The following ZFHX3 variants were observed in gnomAD, a reference collection of about 807,000 sequenced individuals.
ZFHX3 encodes the protein zinc finger homeobox protein 3.
In ZFHX3, 42 loss-of-function variants were observed where a neutral mutation model predicts 279.1. The observed-to-expected ratio is 0.15, with a 90% CI of 0.12 to 0.19. The LOEUF is 0.19. Among genes scored for constraint, ZFHX3 ranks in the 10% least tolerant of loss-of-function variants. The pLI is 1.00. For missense variants in ZFHX3, 4,981 were observed against 4,754.0 expected, an observed-to-expected ratio of 1.05 and a Z score of -1.40; for synonymous variants, 2,293 against 1,957.8, an observed-to-expected ratio of 1.17 and a Z score of -4.52.
At chr16:73,106,132 C>G (rs1296429466) in intron 7 of ZFHX3, among the ~76,000 whole-genome samples, 1 of 152,126 alleles carries the variant, frequency 6.6e-6, no homozygotes, top group African/African-American at 2.4e-5. Context: ...TACTGCCTGA[C>G]TTTTCTCATG....
intron 4 of ZFHX3, among the ~76,000 whole-genome samples, chr16:72,876,737 A>C (rs544154054): frequency 6.6e-6 from 1 of 152,106 alleles, no homozygotes; most frequent in Non-Finnish European, 1.5e-5. Context: ...GCTGCTTTTC[A>C]ATTTTTTTCC....
At chr16:73,331,247 C>T (rs1454322631) in intron 3 of ZFHX3, among the ~76,000 whole-genome samples, 3 of 152,138 alleles carry the variant, frequency 2.0e-5, no homozygotes, top group African/African-American at 7.2e-5. Context: ...ATGGAGGAAC[C>T]GCCCCCATAA....
intron 1 of ZFHX3, among the ~76,000 whole-genome samples, chr16:73,687,649 C>G (rs887315262): frequency 1.3e-5 from 2 of 151,582 alleles, no homozygotes; most frequent in Admixed American, 1.3e-4. Context: ...CGAGACCATC[C>G]TGACCAACAT....
intron 4 of ZFHX3, among the ~76,000 whole-genome samples, chr16:72,852,752 A>T (rs1214400785): frequency 6.6e-6 from 1 of 152,230 alleles, no homozygotes; most frequent in East Asian, 1.9e-4. Context: ...AATGCTCAAG[A>T]GTGGCAGTTG....
chr16:73,708,081 G>GA (rs903242698), intron 1 of ZFHX3, among the ~76,000 whole-genome samples: 3 of 151,330 alleles, frequency 2.0e-5, no homozygotes, highest in African/African-American at 4.8e-5. Flanking sequence ...GGGTGTGGTG[G>GA]GGGGGGGAAG....
chr16:73,840,095 C>A (rs1186514238), intron 1 of ZFHX3, among the ~76,000 whole-genome samples: 1 of 152,146 alleles, frequency 6.6e-6, no homozygotes. Flanking sequence ...GCTCAGGATC[C>A]AGTACACAGC....
intron 1 of ZFHX3, among the ~76,000 whole-genome samples, chr16:73,800,764 C>T (rs1267355463): frequency 4.6e-5 from 7 of 152,122 alleles, no homozygotes; most frequent in Non-Finnish European, 1.0e-4. Flanking sequence ...GCACCTGACC[C>T]GGAGTCAGCC....
intron 4 of ZFHX3, among the ~76,000 whole-genome samples, chr16:72,839,731 A>C (rs2037296870): frequency 6.6e-6 from 1 of 151,898 alleles, no homozygotes; most frequent in African/African-American, 2.4e-5. Flanking sequence ...GGCATCATCT[A>C]GGGTGTCTAG....
At chr16:72,929,011 G>A (rs1219644537) in intron 3 of ZFHX3, among the ~76,000 whole-genome samples, 1 of 151,904 alleles carries the variant, frequency 6.6e-6, no homozygotes. Flanking sequence ...GCCAAGGTGG[G>A]CAGATCACTA....
chr16:73,774,583 G>C (rs926871089), intron 1 of ZFHX3, among the ~76,000 whole-genome samples: 1 of 152,162 alleles, frequency 6.6e-6, no homozygotes, highest in Non-Finnish European at 1.5e-5. Flanking sequence ...AAATATGCTT[G>C]TCTATGCACC....
At chr16:73,551,614 T>C (rs1213901732) in intron 2 of ZFHX3, among the ~76,000 whole-genome samples, 3 of 152,170 alleles carry the variant, frequency 2.0e-5, no homozygotes. Context: ...CTGGAACCTC[T>C]AGAGCTGGCT....
At chr16:73,725,848 C>G (rs1391049658) in intron 1 of ZFHX3, among the ~76,000 whole-genome samples, 1 of 152,174 alleles carries the variant, frequency 6.6e-6, no homozygotes, top group African/African-American at 2.4e-5. Context: ...CCTGACATGC[C>G]TGGCCCCATA....
At chr16:73,549,118 T>C (rs1038936243) in intron 2 of ZFHX3, among the ~76,000 whole-genome samples, 1 of 152,214 alleles carries the variant, frequency 6.6e-6, no homozygotes, top group African/African-American at 2.4e-5. Flanking sequence ...AATATTCAGA[T>C]ACACAGTTTT....
In ZFHX3 at chr16:72,788,817, A is replaced by C. The variant is rs199567227; in HGVS notation, c.9459T>G (p.Gly3153=). 1.3e-6 allele frequency: 2 copies of C among 1,525,280 alleles called. No homozygotes were observed. Among genetic ancestry groups the C allele is most frequent in the African/African-American group, 2.8e-5 (2 of 71,712 alleles). 94.5% of individuals were successfully genotyped at this position (1,525,280 alleles called of 1,614,324 possible). ...GGGAAGGAACAGTTGTGCTGGGCAG[A>C]CCCATCAAGTTCGGCTTAGGAGACG... ...ALTSPKPNLM[G]LPSTTVPSPG... The change falls in exon 10 of 10, where the codon GGT becomes GGG. Residue 3153 remains glycine (G), a synonymous_variant. Transcript: ENST00000268489.
chr16:73,758,597 A>T (rs538630289), intron 1 of ZFHX3, among the ~76,000 whole-genome samples: 1 of 152,220 alleles, frequency 6.6e-6, no homozygotes, highest in African/African-American at 2.4e-5. Context: ...TATTTTAATT[A>T]CAGCTTTGCT....
At chr16:73,041,030 T>G (rs1451474095) in intron 1 of ZFHX3, among the ~76,000 whole-genome samples, 1 of 151,960 alleles carries the variant, frequency 6.6e-6, no homozygotes, top group Non-Finnish European at 1.5e-5. Flanking sequence ...TTCCAAAGAG[T>G]GGGCTTTTTT....
chr16:72,926,184 TATC>T (rs1043241526), intron 3 of ZFHX3, among the ~76,000 whole-genome samples: 1 of 152,224 alleles, frequency 6.6e-6, no homozygotes, highest in African/African-American at 2.4e-5. Context: ...TCTAATGTCT[TATC>T]ATTTTATTTT....
chr16:73,610,890 A>G (rs1213387021), intron 2 of ZFHX3, among the ~76,000 whole-genome samples: 1 of 152,194 alleles, frequency 6.6e-6, no homozygotes, highest in Admixed American at 6.5e-5. Context: ...AAGCCGAGCA[A>G]CTGTATTTCA....
intron 3 of ZFHX3, among the ~76,000 whole-genome samples, chr16:73,417,273 T>C (rs1327099850): frequency 6.6e-6 from 1 of 151,984 alleles, no homozygotes; most frequent in East Asian, 1.9e-4. Flanking sequence ...TGTCTTACAT[T>C]TAGGATTGTG....
Sources: allele counts gnomAD v4.1 joint callset (sites outside exome capture counted in the v4.1 genomes callset), GRCh38; gene constraint gnomAD v4.1.1; transcripts MANE v1.5; gene names NCBI Gene and HGNC (gene_info 2026-07-23, HGNC 2026-07-21).